The following GLYATL1 variants were observed in gnomAD, a reference collection of about 807,000 sequenced individuals.
GLYATL1 encodes glycine-N-acyltransferase like 1.
Under a neutral mutation model 20.0 loss-of-function variants are expected in GLYATL1, and 15 were observed. The observed-to-expected ratio is 0.75, with a 90% CI of 0.50 to 1.15. The LOEUF (loss-of-function observed/expected upper bound fraction) is 1.15. Among genes scored for constraint, GLYATL1 ranks in the 50% most tolerant of loss-of-function variants. The pLI is 0.00. For synonymous variants in GLYATL1, 151 were observed against 131.5 expected (o/e 1.15, Z -1.01); for missense variants, 380 against 368.5 (o/e 1.03, Z -0.26).
intron 1 of GLYATL1, chr11:58,928,650 G>C (rs1291945389): frequency 6.6e-6 from 1 of 152,252 alleles, no homozygotes; most frequent in Non-Finnish European, 1.5e-5. Flanking sequence ...CAGTCATGCT[G>C]AGTGTCTGAC....
downstream of GLYATL1, among the ~76,000 whole-genome samples, chr11:58,908,809 C>T (rs949655943): frequency 3.3e-5 from 5 of 152,156 alleles, no homozygotes; most frequent in African/African-American, 4.8e-5. Flanking sequence ...AAAGTACACA[C>T]AGGCAAAAAT....
At chr11:58,917,270 G>C (rs756896099) in intron 1 of GLYATL1, 1 of 152,166 alleles carries the variant, frequency 6.6e-6, no homozygotes, top group Non-Finnish European at 1.5e-5. Flanking sequence ...GGCTCTGCAA[G>C]GCTGTCTTTG....
rs1176361849 is a variant in GLYATL1 at position 58,955,964 on chromosome 11, C to G, written c.846C>G (p.Phe282Leu). Residue 282 changes from phenylalanine to leucine, a missense_variant, in exon 7 of 7, where the codon TTC becomes TTG. Transcript: ENST00000532726. Reference sequence around the variant, plus strand: ...GCAGATTTGTGGGGCAGTTTGGTTTCTTTGAGGCCTCCTGTGAGTGGCACC... The same window carrying G: ...GCAGATTTGTGGGGCAGTTTGGTTTGTTTGAGGCCTCCTGTGAGTGGCACC... ...DSRRFVGQFG[F>L]FEASCEWHQW... The G allele has an allele frequency of 6.2e-7, 1 of 1,614,012 alleles. No homozygotes were observed. The highest frequency in any genetic ancestry group is 8.5e-7 in the Non-Finnish European group (1 of 1,179,960).
At chr11:58,919,275 C>T (rs183845101) in intron 1 of GLYATL1, among the ~76,000 whole-genome samples, 1 of 152,202 alleles carries the variant, frequency 6.6e-6, no homozygotes, top group East Asian at 1.9e-4. Context: ...ATAAGTTCTC[C>T]TAGGGTGAAT....
chr11:58,909,557 T>C (rs2134644418), downstream of GLYATL1, among the ~76,000 whole-genome samples: 1 of 152,322 alleles, frequency 6.6e-6, no homozygotes, highest in Middle Eastern at 3.4e-3. Context: ...TAATTTATTC[T>C]TTTAAAAGAA....
upstream of GLYATL1, among the ~76,000 whole-genome samples, chr11:58,923,935 T>C (rs1363949010): frequency 6.6e-6 from 1 of 152,264 alleles, no homozygotes; most frequent in Non-Finnish European, 1.5e-5. Context: ...CTTTCTCTTT[T>C]TTTAATTTCA....
chr11:58,911,239 T>C (rs553015137), downstream of GLYATL1, among the ~76,000 whole-genome samples: 27 of 152,352 alleles, frequency 1.8e-4, no homozygotes, highest in Admixed American at 3.3e-4. Context: ...GAAGAACATT[T>C]GAATTGTATC....
chr11:58,945,715 TG>T (rs1856521979), intron 2 of GLYATL1, among the ~76,000 whole-genome samples: 1 of 151,610 alleles, frequency 6.6e-6, no homozygotes, highest in South Asian at 2.1e-4. Flanking sequence ...CACTTGGAGA[TG>T]GGGGGAAGAA....
chr11:58,906,819 G>A (rs1025622828), intron 1 of GLYATL1, among the ~76,000 whole-genome samples: 23 of 152,118 alleles, frequency 1.5e-4, no homozygotes, highest in African/African-American at 5.3e-4. Flanking sequence ...AAGCATTGAG[G>A]TCATTCTGTG....
Position 58,955,778 on chromosome 11 carries a change from G to C in GLYATL1, c.660G>C (p.Trp220Cys). 1.2e-6 allele frequency: 2 copies of C among 1,614,190 alleles called. No individual in the cohort carries two copies. Among genetic ancestry groups the C allele is most frequent in the Non-Finnish European group, 1.7e-6 (2 of 1,180,038 alleles). Residue 220 changes from tryptophan (W) to cysteine (C), a missense_variant, in exon 7 of 7, where the codon TGG becomes TGC. Coordinates refer to ENST00000532726, the MANE Select transcript of GLYATL1 (RefSeq NM_001389712.2). ...MLGPEGVPVS[W>C]VTMDPSCEVG... ...GCCCAGAGGGAGTCCCGGTCTCATG[G>C]GTAACCATGGACCCTTCTTGTGAAG...
chr11:58,908,138 G>A (rs9787921), exon 2 of GLYATL1: 29,828 of 152,148 alleles, frequency 0.2, 3,563 homozygotes, highest in African/African-American at 0.32. Flanking sequence ...CTGCCATACA[G>A]GCTCCAGTCA....
downstream of GLYATL1, among the ~76,000 whole-genome samples, chr11:58,910,557 T>C (rs520697): frequency 0.98 from 149,086 of 152,308 alleles, 73,041 homozygotes; most frequent in Middle Eastern, 1. Context: ...TCACTGCAGA[T>C]ATGCTATTAG....
chr11:58,938,400 A>C (rs1435963054), upstream of GLYATL1, among the ~76,000 whole-genome samples: 1 of 152,224 alleles, frequency 6.6e-6, no homozygotes, highest in Non-Finnish European at 1.5e-5. Context: ...CTAGAATCAG[A>C]GATCTCTCAC....
rs1172456091 is a variant in GLYATL1, at chr11:58,956,223, G to A, written c.*196G>A. The A allele has an allele frequency of 2.0e-5, 12 of 592,350 alleles. No individual in the cohort carries two copies. The highest frequency in any genetic ancestry group is 3.0e-5 in the Non-Finnish European group (10 of 338,126). 36.7% of individuals were successfully genotyped at this position (592,350 alleles called of 1,614,324 possible). A position where few individuals can be genotyped will look rare whatever the true frequency, so the allele number is the denominator to read the frequency against. ...TACAATCCTGGCTGGAGGCAGGGGA[G>A]GGTATATTCTTTAAATATGCTTAAG... On this transcript the variant is annotated 3_prime_UTR_variant, in exon 7 of 7. Coordinates refer to ENST00000532726, the MANE Select transcript of GLYATL1 (RefSeq NM_001389712.2).
At position 58,954,179 on chromosome 11, in the gene GLYATL1, T is replaced by C. The variant is rs534371052; in HGVS notation, c.187-591T>C. ...GTAGATTCTAGGACACTATTGACTC[T>C]AGGTGTCTGGTGAAACAGTAGGCAC... On this transcript the variant is annotated intron_variant, in intron 4 of 6. Coordinates refer to ENST00000532726, the MANE Select transcript of GLYATL1 (RefSeq NM_001389712.2). 2.6e-4 allele frequency among the ~76,000 whole-genome samples: 39 copies of C among 152,320 alleles called. 1 individual carries two copies. The South Asian group carries it at 7.7e-3, about 30-fold the overall frequency.
intron 1 of GLYATL1, chr11:58,927,920 T>A (rs1855470829): frequency 6.6e-6 from 1 of 152,244 alleles, no homozygotes; most frequent in Admixed American, 6.5e-5. Flanking sequence ...TTCCTCTTCC[T>A]GCCCCTTTTT....
chr11:58,907,162 T>A (rs1187546870), intron 1 of GLYATL1: 3 of 422,012 alleles, frequency 7.1e-6, no homozygotes, highest in Non-Finnish European at 1.4e-5. Flanking sequence ...GGGGCTCTGA[T>A]CAGTACACAG....
intron 4 of GLYATL1, among the ~76,000 whole-genome samples, chr11:58,948,539 C>T (rs1235484205): frequency 6.6e-6 from 1 of 152,098 alleles, no homozygotes; most frequent in Non-Finnish European, 1.5e-5. Context: ...ACTCAGGAGG[C>T]TGAGGTGGGA....
At chr11:58,945,992 A>G (rs367891536) in intron 2 of GLYATL1, among the ~76,000 whole-genome samples, 2 of 152,330 alleles carry the variant, frequency 1.3e-5, no homozygotes, top group African/African-American at 4.8e-5. Context: ...AACTATTTTA[A>G]CTTCATGGAT....
Sources: allele counts gnomAD v4.1 joint callset (sites outside exome capture counted in the v4.1 genomes callset), GRCh38; gene constraint gnomAD v4.1.1; transcripts MANE v1.5; gene names NCBI Gene and HGNC (gene_info 2026-07-23, HGNC 2026-07-21).